RBFOX3: variants seen among roughly 807,000 people sequenced by gnomAD.
The protein encoded by RBFOX3 is RNA binding fox-1 homolog 3.
A neutral mutation model predicts 48.7 loss-of-function variants in RBFOX3; 17 were observed. That is an observed-to-expected ratio of 0.35 (90% CI 0.24 to 0.52). The LOEUF is 0.52. Ranked by LOEUF, RBFOX3 falls within the 20% of genes least tolerant of loss-of-function variation. RBFOX3 has a pLI of 0.94. For synonymous variants in RBFOX3, 212 were observed against 209.5 expected (o/e 1.01, Z -0.10); for missense variants, 382 against 497.5 (o/e 0.77, Z 2.21).
intron 4 of RBFOX3, among the ~76,000 whole-genome samples, chr17:79,138,588 T>C (rs1331662914): frequency 6.8e-6 from 1 of 147,820 alleles, no homozygotes; most frequent in East Asian, 2.0e-4. Flanking sequence ...ACCTGTATGG[T>C]GATGCAACCC....
chr17:79,635,234 G>A, the RBFOX3 span, among the ~76,000 whole-genome samples: 1 of 152,146 alleles, frequency 6.6e-6, no homozygotes, highest in Non-Finnish European at 1.5e-5. Context: ...TTAAGGGCTG[G>A]AGGGGGCATG....
At chr17:79,469,668 C>A (rs751338581) in intron 2 of RBFOX3, among the ~76,000 whole-genome samples, 158 of 152,242 alleles carry the variant, frequency 1.0e-3, no homozygotes, top group African/African-American at 3.2e-3. Flanking sequence ...GATGTGGGAC[C>A]CCAAAAAACA....
At chr17:79,413,782 C>T (rs1007992242) in intron 2 of RBFOX3, among the ~76,000 whole-genome samples, 4 of 152,380 alleles carry the variant, frequency 2.6e-5, no homozygotes, top group African/African-American at 9.6e-5. Flanking sequence ...CCGGGCCATC[C>T]TTCTGCGGCC....
At chr17:79,287,724 C>T (rs542897411) in intron 3 of RBFOX3, among the ~76,000 whole-genome samples, 1 of 152,164 alleles carries the variant, frequency 6.6e-6, no homozygotes, top group African/African-American at 2.4e-5. Context: ...AAGAAGGGCT[C>T]AGCCATGGCT....
chr17:79,368,694 C>G (rs528700927), intron 2 of RBFOX3, among the ~76,000 whole-genome samples: 1 of 152,162 alleles, frequency 6.6e-6, no homozygotes, highest in African/African-American at 2.4e-5. Context: ...CACACCAGCC[C>G]GATGCTGGTC....
intron 4 of RBFOX3, among the ~76,000 whole-genome samples, chr17:79,192,260 C>T (rs2054663349): frequency 6.6e-6 from 1 of 152,218 alleles, no homozygotes; most frequent in Non-Finnish European, 1.5e-5. Flanking sequence ...GGGCCCTATG[C>T]TGCTCTTAGC....
At chr17:79,620,591 A>ACATG in the RBFOX3 span, among the ~76,000 whole-genome samples, 1 of 141,218 alleles carries the variant, frequency 7.1e-6, no homozygotes, top group Non-Finnish European at 1.5e-5. Flanking sequence ...GCACGCACAC[A>ACATG]CACGCACGCA....
rs997735836 is a variant in RBFOX3 at position 79,254,004 on chromosome 17, G to A, written c.-73-18199C>T. On this transcript the variant is annotated intron_variant, in intron 3 of 14. Coordinates refer to ENST00000693108, the MANE Select transcript of RBFOX3 (RefSeq NM_001350451.2). The surrounding 1 kb of genome is among the most constrained non-coding windows in gnomAD (Gnocchi z 4.8). ...CCTAAGCACTTTTCTCTTCCCCCAC[G>A]CAGCCTCTGAGGGCGGGTATGGGAG... Among the ~76,000 whole-genome samples, 3 of 152,152 alleles carry A rather than the reference G, an allele frequency of 2.0e-5. No individual in the cohort carries two copies. The highest frequency in any genetic ancestry group is 4.8e-5 in the African/African-American group (2 of 41,428).
chr17:79,409,007 GGCCCTCA>G (rs961893703), intron 2 of RBFOX3, among the ~76,000 whole-genome samples: 11 of 152,116 alleles, frequency 7.2e-5, no homozygotes, highest in African/African-American at 2.7e-4. Flanking sequence ...CCTGCCACCT[GGCCCTCA>G]GCCCTCAGCG....
In RBFOX3 at chr17:79,155,780, C is replaced by T. The variant is rs568086580; in HGVS notation, c.-33-40032G>A. ...AGTCCCCAAGAGTGCCACAGCCTGG[C>T]AGGAGGCAGCCCACCCCTGCACCCC... On this transcript the variant is annotated intron_variant, in intron 4 of 14. Coordinates refer to ENST00000693108, the MANE Select transcript of RBFOX3 (RefSeq NM_001350451.2). Among the ~76,000 whole-genome samples, 3 of 152,234 alleles carry T rather than the reference C, an allele frequency of 2.0e-5. No individual in the cohort carries two copies. In the South Asian group the frequency reaches 6.2e-4, roughly 32 times the overall value.
At chr17:79,314,977 G>A (rs1263227267) in intron 2 of RBFOX3, among the ~76,000 whole-genome samples, 1 of 152,036 alleles carries the variant, frequency 6.6e-6, no homozygotes, top group South Asian at 2.1e-4. Flanking sequence ...GGTAGAGGAG[G>A]ATAGATATTT....
the RBFOX3 span, among the ~76,000 whole-genome samples, chr17:79,650,201 G>T: frequency 1.1e-4 from 17 of 152,242 alleles, no homozygotes; most frequent in East Asian, 3.3e-3. Flanking sequence ...ACTAAACTGG[G>T]GGGATTCGAT....
At chr17:79,147,557 G>A (rs546173575) in intron 4 of RBFOX3, among the ~76,000 whole-genome samples, 2 of 152,066 alleles carry the variant, frequency 1.3e-5, no homozygotes, top group African/African-American at 2.4e-5. Flanking sequence ...CATTGGGGAG[G>A]GGGGGGGCTC....
At chr17:79,215,951 C>G (rs563070877) in intron 4 of RBFOX3, among the ~76,000 whole-genome samples, 54 of 152,370 alleles carry the variant, frequency 3.5e-4, no homozygotes, top group African/African-American at 1.3e-3. Flanking sequence ...GAGGTCAGAG[C>G]CAGAGTCAGG....
chr17:79,141,436 T>C (rs982545113), intron 4 of RBFOX3, among the ~76,000 whole-genome samples: 3 of 152,208 alleles, frequency 2.0e-5, no homozygotes, highest in Non-Finnish European at 4.4e-5. Flanking sequence ...CTTCTGGGCA[T>C]CTGATTCTGA....
At chr17:79,335,005 C>G (rs1213002390) in intron 2 of RBFOX3, among the ~76,000 whole-genome samples, 1 of 152,240 alleles carries the variant, frequency 6.6e-6, no homozygotes, top group African/African-American at 2.4e-5. Flanking sequence ...CCCTCTGAAA[C>G]CTGGCTCAGA....
At chr17:79,235,037 A>C (rs1280465349) in intron 4 of RBFOX3, 1 of 152,064 alleles carries the variant, frequency 6.6e-6, no homozygotes, top group Non-Finnish European at 1.5e-5. Context: ...CGGTCCATTA[A>C]ATTTATTTTT....
intron 2 of RBFOX3, among the ~76,000 whole-genome samples, chr17:79,455,153 C>A (rs2074258721): frequency 6.6e-6 from 1 of 152,198 alleles, no homozygotes; most frequent in African/African-American, 2.4e-5. Context: ...TGTACATGGG[C>A]CCCACTTTTC....
chr17:79,279,488 C>T (rs553123480), intron 3 of RBFOX3, among the ~76,000 whole-genome samples: 23 of 152,292 alleles, frequency 1.5e-4, no homozygotes, highest in African/African-American at 5.3e-4. Flanking sequence ...CGGCACGGTA[C>T]GGCACTGTCA....
Sources: allele counts gnomAD v4.1 joint callset (sites outside exome capture counted in the v4.1 genomes callset), GRCh38; gene constraint gnomAD v4.1.1; non-coding constraint Gnocchi (gnomAD v3.1); transcripts MANE v1.5; gene names NCBI Gene and HGNC (gene_info 2026-07-23, HGNC 2026-07-21).